The following RSPO2 variants were observed in gnomAD, a reference collection of about 807,000 sequenced individuals.
RSPO2 encodes R-spondin 2.
A neutral mutation model predicts 30.9 loss-of-function variants in RSPO2; 14 were observed. The observed-to-expected ratio is 0.45, with a 90% CI of 0.30 to 0.71. The LOEUF (loss-of-function observed/expected upper bound fraction) is 0.71. Ranked by LOEUF, RSPO2 falls within the 30% of genes least tolerant of loss-of-function variation. The probability of loss-of-function intolerance (pLI) is 0.08; values close to 1 mark genes in which losing one functional copy is unlikely to be tolerated. For missense variants in RSPO2, 264 were observed against 301.9 expected, an observed-to-expected ratio of 0.87 and a Z score of 0.93; for synonymous variants, 107 against 96.4, an observed-to-expected ratio of 1.11 and a Z score of -0.64.
At chr8:107,953,270 G>A (rs1351077869) in intron 5 of RSPO2, among the ~76,000 whole-genome samples, 1 of 152,204 alleles carries the variant, frequency 6.6e-6, no homozygotes, top group Non-Finnish European at 1.5e-5. Flanking sequence ...ACACAAGGCA[G>A]TCTCCTCTAG....
At chr8:108,059,831 A>G (rs1394904195) in intron 2 of RSPO2, among the ~76,000 whole-genome samples, 1 of 126,364 alleles carries the variant, frequency 7.9e-6, no homozygotes, top group Non-Finnish European at 1.6e-5. Flanking sequence ...GAAGGGGAAC[A>G]TCACACTCTG....
At chr8:108,004,928 G>A (rs1277024132) in intron 2 of RSPO2, among the ~76,000 whole-genome samples, 2 of 151,918 alleles carry the variant, frequency 1.3e-5, no homozygotes, top group African/African-American at 2.4e-5. Context: ...GTCCTTTATA[G>A]TTCTTTATTT....
At chr8:107,988,388 A>G (rs1418473170) in intron 3 of RSPO2, among the ~76,000 whole-genome samples, 1 of 151,832 alleles carries the variant, frequency 6.6e-6, no homozygotes, top group African/African-American at 2.4e-5. Context: ...TAAACCAGAG[A>G]GATTGTTCTC....
intron 2 of RSPO2, among the ~76,000 whole-genome samples, chr8:108,075,081 C>A (rs903623448): frequency 7.2e-5 from 11 of 152,140 alleles, no homozygotes; most frequent in Admixed American, 2.6e-4. Context: ...AAGGCAAATA[C>A]CACTTTCTTT....
intron 3 of RSPO2, among the ~76,000 whole-genome samples, chr8:107,972,465 T>G (rs1814034422): frequency 6.6e-6 from 1 of 152,094 alleles, no homozygotes; most frequent in African/African-American, 2.4e-5. Flanking sequence ...TATTTTAGTG[T>G]AATAGCATAA....
intron 2 of RSPO2, among the ~76,000 whole-genome samples, chr8:108,072,318 AC>A (rs1264324329): frequency 1.6e-5 from 2 of 124,616 alleles, no homozygotes; most frequent in South Asian, 5.2e-4. Context: ...ATGGCAGAGA[AC>A]TTTTTTTTTT....
intron 2 of RSPO2, among the ~76,000 whole-genome samples, chr8:108,044,928 T>G (rs1334951983): frequency 1.3e-5 from 2 of 152,144 alleles, no homozygotes; most frequent in African/African-American, 4.8e-5. Context: ...AAAAGTTAAC[T>G]CAAGATAGAT....
At chr8:108,010,351 C>A (rs376634420) in intron 2 of RSPO2, among the ~76,000 whole-genome samples, 2 of 152,246 alleles carry the variant, frequency 1.3e-5, no homozygotes, top group East Asian at 3.9e-4. Flanking sequence ...GTGGGAAACA[C>A]AAGAAGATAG....
intron 5 of RSPO2, among the ~76,000 whole-genome samples, chr8:107,915,576 G>C (rs1811954266): frequency 6.6e-6 from 1 of 151,996 alleles, no homozygotes; most frequent in Admixed American, 6.6e-5. Context: ...GATTTGGAAG[G>C]CCTTCTATCC....
At chr8:107,965,929 T>C (rs746436618) in intron 3 of RSPO2, among the ~76,000 whole-genome samples, 23 of 152,294 alleles carry the variant, frequency 1.5e-4, no homozygotes, top group Middle Eastern at 3.4e-3. Context: ...TGATGTGTGC[T>C]ATAAGTTGGA....
intron 3 of RSPO2, chr8:107,983,754 G>A (rs1160430927): frequency 2.5e-6 from 4 of 1,596,804 alleles, no homozygotes; most frequent in Middle Eastern, 2.3e-4. Flanking sequence ...AATAGAAAAG[G>A]AGCTGGATGT....
At chr8:107,901,560 G>A (rs74777535) in intron 5 of RSPO2, among the ~76,000 whole-genome samples, 3 of 152,078 alleles carry the variant, frequency 2.0e-5, no homozygotes, top group Admixed American at 1.3e-4. Flanking sequence ...CGTGTCAGTG[G>A]GTCAAAAGAA....
chr8:108,062,231 A>C (rs1812493052), intron 2 of RSPO2, among the ~76,000 whole-genome samples: 1 of 151,892 alleles, frequency 6.6e-6, no homozygotes, highest in African/African-American at 2.4e-5. Context: ...CCTTCAAAAA[A>C]ATCAATGAAT....
intron 2 of RSPO2, among the ~76,000 whole-genome samples, chr8:108,006,879 G>C (rs537080820): frequency 6.6e-6 from 1 of 152,262 alleles, no homozygotes; most frequent in East Asian, 1.9e-4. Flanking sequence ...TAAAGGTAGA[G>C]ATGAAAAGGC....
intron 2 of RSPO2, among the ~76,000 whole-genome samples, chr8:108,054,478 C>T (rs1231148049): frequency 1.3e-5 from 2 of 152,110 alleles, no homozygotes; most frequent in Admixed American, 1.3e-4. Flanking sequence ...AAATATATCA[C>T]TTCCACCCAC....
chr8:108,040,000 A>G (rs968020163), intron 2 of RSPO2, among the ~76,000 whole-genome samples: 10 of 152,146 alleles, frequency 6.6e-5, no homozygotes, highest in African/African-American at 1.9e-4. Flanking sequence ...TGGCACCCCA[A>G]TTTTGGACTC....
At chr8:107,996,649 A>G (rs913200028) in intron 2 of RSPO2, among the ~76,000 whole-genome samples, 1 of 152,198 alleles carries the variant, frequency 6.6e-6, no homozygotes, top group African/African-American at 2.4e-5. Flanking sequence ...AAGTTAAACC[A>G]AAGCTCTTTA....
intron 1 of RSPO2, 104 bp downstream of exon 1, chr8:108,083,093 G>A (rs879476059): frequency 6.3e-6 from 1 of 159,304 alleles, no homozygotes; most frequent in African/African-American, 2.4e-5. Flanking sequence ...GAACTCTAAA[G>A]GCACTGAGAG....
chr8:108,027,095 G>GT (rs1301086241), intron 2 of RSPO2, among the ~76,000 whole-genome samples: 1 of 152,042 alleles, frequency 6.6e-6, no homozygotes, highest in Non-Finnish European at 1.5e-5. Context: ...ACTTCACCTG[G>GT]TTTTTTCAAA....
Sources: allele counts gnomAD v4.1 joint callset (sites outside exome capture counted in the v4.1 genomes callset), GRCh38; gene constraint gnomAD v4.1.1; transcripts MANE v1.5; gene names NCBI Gene and HGNC (gene_info 2026-07-23, HGNC 2026-07-21).